The following AFF2 variants were observed in gnomAD, a reference collection of about 807,000 sequenced individuals.
AFF2 encodes the protein AF4/FMR2 family member 2.
Under a neutral mutation model 76.9 loss-of-function variants are expected in AFF2, and 14 were observed. The ratio of observed to expected loss-of-function variants is 0.18; its 90% CI spans 0.12 to 0.28. AFF2 has a LOEUF of 0.28. Ranked by LOEUF, AFF2 falls within the 10% of genes least tolerant of loss-of-function variation. The pLI, the probability that AFF2 is intolerant of heterozygous loss-of-function variation, is 1.00. For synonymous variants in AFF2, 398 were observed against 366.7 expected, an observed-to-expected ratio of 1.09 and a Z score of -0.98; for missense variants, 868 against 1,001.1, an observed-to-expected ratio of 0.87 and a Z score of 1.79.
At chrX:148,827,022 TGTTA>T (rs1221257763) in intron 4 of AFF2, among the ~76,000 whole-genome samples, 24 of 111,519 alleles carry the variant, frequency 2.2e-4, no homozygotes, top group African/African-American at 7.5e-4. Context: ...GTGATAGATT[TGTTA>T]GTTAATTTCA....
intron 7 of AFF2, among the ~76,000 whole-genome samples, chrX:148,860,313 C>A (rs2070833131): frequency 8.9e-6 from 1 of 111,819 alleles, no homozygotes; most frequent in South Asian, 3.8e-4. Context: ...AGCTGAAAAT[C>A]TAACAATAAA....
chrX:148,837,513 C>G (rs1202819926), intron 4 of AFF2, 134 bp from the exon 5 acceptor site: 2 of 391,040 alleles, frequency 5.1e-6, no homozygotes, highest in Non-Finnish European at 8.5e-6. Flanking sequence ...GTCCAAATGA[C>G]TTTAAATTCA....
intron 3 of AFF2, among the ~76,000 whole-genome samples, chrX:148,724,249 C>T (rs1309937738): frequency 9.0e-6 from 1 of 110,802 alleles, no homozygotes; most frequent in Non-Finnish European, 1.9e-5. Flanking sequence ...TCTCCTATGG[C>T]AGACCTCAGA....
rs146034170 is a variant in AFF2 at position 148,795,800 on chromosome X, C to CA, written c.1042-14043dup. ...CCTGGGCGACAGAGTGAGACTGTCT[C>CA]AAAAAAAAAAAAAAAAAAAAAAAAA... On this transcript the variant is annotated intron_variant, in intron 3 of 20. Transcript: ENST00000370460. Among the ~76,000 whole-genome samples, 37 of 5,371 alleles carry CA rather than the reference C, an allele frequency of 6.9e-3. 16 individuals are homozygous for CA. Among genetic ancestry groups the CA allele is most frequent in the Non-Finnish European group, 0.014 (33 of 2,407 alleles). The allele number at this position is 5,371 out of a possible 115,157, so 4.7% of individuals were successfully genotyped here. A position where few individuals can be genotyped will look rare whatever the true frequency, so the allele number is the denominator to read the frequency against.
chrX:148,566,788 A>ATG (rs1252821132), intron 1 of AFF2, among the ~76,000 whole-genome samples: 1 of 111,360 alleles, frequency 9.0e-6, no homozygotes, highest in African/African-American at 3.3e-5. Flanking sequence ...TTTGCAAGAC[A>ATG]TGCACACTTA....
At chrX:148,552,287 T>TG (rs1354309214) in intron 1 of AFF2, among the ~76,000 whole-genome samples, 3 of 112,076 alleles carry the variant, frequency 2.7e-5, no homozygotes, top group Non-Finnish European at 5.6e-5. Context: ...CAGAGAGTGA[T>TG]GGGGAAGGTC....
intron 1 of AFF2, among the ~76,000 whole-genome samples, chrX:148,635,597 C>T (rs2054022930): frequency 1.8e-5 from 2 of 111,719 alleles, no homozygotes; most frequent in South Asian, 7.4e-4. Context: ...AAATAAACAG[C>T]CCCATCAGAG....
intron 15 of AFF2, among the ~76,000 whole-genome samples, chrX:148,970,179 T>A (rs1315919152): frequency 2.7e-5 from 3 of 112,166 alleles, no homozygotes; most frequent in Admixed American, 1.9e-4. Context: ...TTTCACAAAA[T>A]CCGCTTGAAT....
chrX:148,717,582 A>G (rs1186046133), intron 3 of AFF2, among the ~76,000 whole-genome samples: 1 of 111,985 alleles, frequency 8.9e-6, no homozygotes, highest in Non-Finnish European at 1.9e-5. Context: ...ACCTACATTT[A>G]AAAAAATGGA....
intron 3 of AFF2, among the ~76,000 whole-genome samples, chrX:148,705,522 C>G (rs2054872872): frequency 9.5e-6 from 1 of 104,992 alleles, no homozygotes; most frequent in African/African-American, 3.5e-5. Flanking sequence ...TTAAAGGCAC[C>G]ATAAACTGGA....
In AFF2 at chrX:148,927,914, A is replaced by G. The variant is rs138267550; in HGVS notation, c.1397+23656A>G. On this transcript the variant is annotated intron_variant, in intron 9 of 20. Transcript: ENST00000370460. ...AGGTGGTATTTCCATGTGCTGAGTT[A>G]CTGAAATGAATGCAAAGATGATCAG... Among the ~76,000 whole-genome samples, 3 of 112,368 alleles carry G rather than the reference A, an allele frequency of 2.7e-5. No individual in the cohort carries two copies. In the East Asian group the frequency reaches 8.4e-4, roughly 31 times the overall value.
intron 1 of AFF2, among the ~76,000 whole-genome samples, chrX:148,615,115 G>T (rs1475848062): frequency 3.6e-5 from 4 of 110,990 alleles, no homozygotes; most frequent in Non-Finnish European, 7.6e-5. Flanking sequence ...TATGTCTTTT[G>T]TCATCCAGCA....
chrX:148,631,738 C>T (rs957263418), intron 1 of AFF2, among the ~76,000 whole-genome samples: 1 of 112,341 alleles, frequency 8.9e-6, no homozygotes, highest in African/African-American at 3.2e-5. Context: ...GAAACTGGCT[C>T]ATAACAGCCT....
At chrX:148,777,746 T>G (rs1213080594) in intron 3 of AFF2, among the ~76,000 whole-genome samples, 2 of 112,294 alleles carry the variant, frequency 1.8e-5, no homozygotes, top group African/African-American at 6.5e-5. Flanking sequence ...TTAAGAAGAT[T>G]TTGGGCTGAG....
intron 1 of AFF2, among the ~76,000 whole-genome samples, chrX:148,640,388 C>T (rs1180311226): frequency 9.0e-6 from 1 of 111,055 alleles, no homozygotes; most frequent in East Asian, 2.8e-4. Flanking sequence ...TACCTTCTCC[C>T]TCCCTCCCTC....
chrX:148,709,542 T>C (rs1391473087), intron 3 of AFF2, among the ~76,000 whole-genome samples: 1 of 112,436 alleles, frequency 8.9e-6, no homozygotes, highest in African/African-American at 3.2e-5. Context: ...TATATAATCA[T>C]GTTAAATCCT....
chrX:148,938,386 C>T (rs1187905403), intron 9 of AFF2, among the ~76,000 whole-genome samples: 5 of 112,050 alleles, frequency 4.5e-5, no homozygotes, highest in African/African-American at 1.6e-4. Flanking sequence ...TATTGTCTTG[C>T]GTGGCACATA....
Position 148,719,066 on chromosome X carries a change from T to C in AFF2, c.1041+56298T>C, listed in dbSNP as rs1178260804. 3 of 1,068,290 alleles carry C rather than the reference T, an allele frequency of 2.8e-6. No homozygotes were observed. In the Admixed American group the frequency reaches 8.8e-5, roughly 31 times the overall value. 88.0% of individuals were successfully genotyped at this position (1,068,290 alleles called of 1,213,427 possible). A position where few individuals can be genotyped will look rare whatever the true frequency, so the allele number is the denominator to read the frequency against. ...GAACATGGTGATTCCACAACAGTTTTGGGGCAGTCTGGGATATTAAGGTGA... is the reference window on the plus strand; with the variant it reads ...GAACATGGTGATTCCACAACAGTTTCGGGGCAGTCTGGGATATTAAGGTGA... On this transcript the variant is annotated intron_variant, in intron 3 of 20. Transcript: ENST00000370460.
intron 3 of AFF2, among the ~76,000 whole-genome samples, chrX:148,681,785 C>G (rs2054554267): frequency 9.0e-6 from 1 of 110,866 alleles, no homozygotes; most frequent in African/African-American, 3.3e-5. Flanking sequence ...AGTAGTGTCT[C>G]TGTTTTTATT....
Sources: gnomAD v4.1 joint callset for allele counts (sites outside exome capture counted in the v4.1 genomes callset) on GRCh38, gnomAD v4.1.1 for gene constraint, MANE v1.5 for transcripts, NCBI Gene and HGNC (gene_info 2026-07-23, HGNC 2026-07-21) for gene names.